The following KIF27 variants were observed in gnomAD, a reference collection of about 807,000 sequenced individuals.
The protein encoded by KIF27 is kinesin-like protein KIF27.
In KIF27, 84 loss-of-function variants were observed where a neutral mutation model predicts 141.8. That is an observed-to-expected ratio of 0.59 (90% CI 0.50 to 0.71). The LOEUF (loss-of-function observed/expected upper bound fraction) is 0.71. Ranked by LOEUF, KIF27 falls within the 30% of genes least tolerant of loss-of-function variation. KIF27 has a pLI of 0.00. For synonymous variants in KIF27, 471 were observed against 569.5 expected (o/e 0.83, Z 2.46); for missense variants, 1,306 against 1,628.4 (o/e 0.80, Z 3.41).
chr9:83,851,570 G>A (rs1012276935), intron 15 of KIF27, among the ~76,000 whole-genome samples: 1 of 152,054 alleles, frequency 6.6e-6, no homozygotes, highest in Non-Finnish European at 1.5e-5. Flanking sequence ...TGCCCAAGCT[G>A]GTCTTGAATT....
intron 5 of KIF27, among the ~76,000 whole-genome samples, chr9:83,892,721 T>C (rs1952799732): frequency 6.6e-6 from 1 of 152,134 alleles, no homozygotes; most frequent in African/African-American, 2.4e-5. Flanking sequence ...GAAAAAGAGA[T>C]ACCATGTAAA....
intron 2 of KIF27, among the ~76,000 whole-genome samples, chr9:83,910,859 C>T (rs1292712088): frequency 2.0e-5 from 3 of 151,986 alleles, no homozygotes; most frequent in Admixed American, 6.6e-5. Context: ...ACTTCTACAT[C>T]GGTGTTCACA....
chr9:83,916,330 C>G (rs997929805), intron 1 of KIF27, among the ~76,000 whole-genome samples: 1 of 152,158 alleles, frequency 6.6e-6, no homozygotes, highest in African/African-American at 2.4e-5. Flanking sequence ...CCGTGCCCAG[C>G]CTGTACATGT....
At chr9:83,898,541 C>T (rs1024291515) in intron 5 of KIF27, among the ~76,000 whole-genome samples, 7 of 152,156 alleles carry the variant, frequency 4.6e-5, no homozygotes, top group African/African-American at 1.4e-4. Flanking sequence ...AATTTTGAGG[C>T]GCTGGCAGTT....
intron 2 of KIF27, among the ~76,000 whole-genome samples, chr9:83,912,680 A>T (rs1217328385): frequency 6.6e-6 from 1 of 152,222 alleles, no homozygotes; most frequent in Non-Finnish European, 1.5e-5. Context: ...TTAGTCTTAT[A>T]TTCCTGAAAT....
rs1303081455 is a variant in KIF27 at position 83,903,081 on chromosome 9, C to T, written c.1437G>A (p.Lys479=). The T allele has an allele frequency of 1.2e-6, 2 of 1,612,512 alleles. No individual in the cohort carries two copies. Among genetic ancestry groups the T allele is most frequent in the Non-Finnish European group, 1.7e-6 (2 of 1,178,828 alleles). The change falls in exon 4 of 18, where the codon AAG becomes AAA. Residue 479 remains lysine, a synonymous_variant. Transcript: ENST00000297814. ...GTACCTGGCATTTCTTAAGCTCTCT[C>T]TTCAGCTGGAGAACTGTAACATGCT... is the stretch of plus-strand genomic sequence containing the variant. The part of the protein sequence containing the change: ...GPQHVTVLQL[K]RELKKCQCVL...
intron 16 of KIF27, chr9:83,847,990 ATATATTT>A (rs1947522622): frequency 6.9e-6 from 1 of 144,164 alleles, no homozygotes; most frequent in African/African-American, 2.5e-5. Flanking sequence ...TATATATCCT[ATATATTT>A]TATATATCTA....
chr9:83,841,874 TTTACTC>T (rs1310716827), intron 17 of KIF27, among the ~76,000 whole-genome samples: 6 of 152,174 alleles, frequency 3.9e-5, no homozygotes, highest in African/African-American at 1.4e-4. Context: ...AATACAAACT[TTTACTC>T]TTACCTACCA....
rs1945779143 is a variant in KIF27, at chr9:83,835,908, A to G, written c.*1093T>C. 6.6e-6 allele frequency among the ~76,000 whole-genome samples: 1 copy of G among 152,222 alleles called. No homozygotes were observed. ...CAAAATAATTCCTCAGGTCATTACA[A>G]TGGATGTTTCCTATAACTGAAAAAT... On this transcript the variant is annotated 3_prime_UTR_variant, in exon 18 of 18. Coordinates refer to ENST00000297814, the MANE Select transcript of KIF27 (RefSeq NM_017576.4).
chr9:83,853,103 T>C (rs956151635), intron 15 of KIF27, among the ~76,000 whole-genome samples: 1 of 152,214 alleles, frequency 6.6e-6, no homozygotes, highest in Non-Finnish European at 1.5e-5. Context: ...GTAAATTGTC[T>C]AATCTGTAAA....
intron 17 of KIF27, among the ~76,000 whole-genome samples, chr9:83,838,295 G>A (rs1392281996): frequency 2.0e-5 from 3 of 151,864 alleles, no homozygotes; most frequent in African/African-American, 4.8e-5. Context: ...GTGCAGTGGC[G>A]TGATCTCGGC....
At chr9:83,908,279 A>AG (rs1027894934) in intron 3 of KIF27, among the ~76,000 whole-genome samples, 173 bp downstream of exon 3, 11 of 151,720 alleles carry the variant, frequency 7.3e-5, no homozygotes, top group East Asian at 5.8e-4. Context: ...AAAAAAAAAA[A>AG]AGAGAGAGAG....
rs1949995097 is a variant in KIF27 at position 83,862,235 on chromosome 9, C to CATGA, written c.2935-2868_2935-2865dup. On this transcript the variant is annotated intron_variant, in intron 13 of 17. Transcript: ENST00000297814. ...TTGCCATTGCTTTTGGTGTTTTAGA[C>CATGA]ATGAAGTCCTTGCCCATGCCTATGT... is the stretch of plus-strand genomic sequence containing the variant. 2.0e-5 allele frequency among the ~76,000 whole-genome samples: 3 copies of CATGA among 152,098 alleles called. No individual in the cohort carries two copies. The South Asian group carries it at 6.2e-4, about 32-fold the overall frequency.
In KIF27 at chr9:83,870,510, T is replaced by G. The variant is rs138585123; in HGVS notation, c.2757+9A>C. 3.1e-6 allele frequency: 5 copies of G among 1,613,502 alleles called. No individual in the cohort carries two copies. The African/African-American group carries it at 6.7e-5, about 22-fold the overall frequency. ...AGAAACCAGGAAACACTAAATAGAA[T>G]TGACAAACCTGGAGATGGTCTATAC... On this transcript the variant is annotated intron_variant, in intron 12 of 17. Coordinates refer to ENST00000297814, the MANE Select transcript of KIF27 (RefSeq NM_017576.4).
chr9:83,908,780 G>A lies in KIF27; in HGVS notation c.299-128C>T, dbSNP rs188233612. On this transcript the variant is annotated intron_variant, in intron 2 of 17. Coordinates refer to ENST00000297814, the MANE Select transcript of KIF27 (RefSeq NM_017576.4). The stretch of plus-strand genomic sequence containing the variant: ...TAACTTTTTTTTTTTTTGGCGGGGG[G>A]ACGGAGTCTTGCTCTGTTGCCCAGG... The A allele has an allele frequency of 1.1e-4, 50 of 467,808 alleles. No homozygotes were observed. The East Asian group carries it at 1.7e-3, about 16-fold the overall frequency. The allele number at this position is 467,808 out of a possible 1,614,324, so 29.0% of individuals were successfully genotyped here. A position where few individuals can be genotyped will look rare whatever the true frequency, so the allele number is the denominator to read the frequency against.
chr9:83,903,921 T>C lies in KIF27; in HGVS notation c.597A>G (p.Gln199=). 4 of 1,614,150 alleles carry C rather than the reference T, an allele frequency of 2.5e-6. No individual in the cohort carries two copies. The highest frequency in any genetic ancestry group is 1.1e-5 in the South Asian group (1 of 91,064). ...GNAARHTGTT[Q]MNEHSSRSHA... Reference sequence around the variant, plus strand: ...GTGATCTGCTGGAGTGCTCATTCATTTGAGTGGTACCTGTATGTCTGGCTG... The same window carrying C: ...GTGATCTGCTGGAGTGCTCATTCATCTGAGTGGTACCTGTATGTCTGGCTG... The change falls in exon 4 of 18, where the codon CAA becomes CAG. Residue 199 remains glutamine (Q), a synonymous_variant. Transcript: ENST00000297814.
At position 83,848,099 on chromosome 9, in the gene KIF27, TATG is replaced by T. The variant is rs1207871773; in HGVS notation, c.3556+1997_3556+1999del. Among the ~76,000 whole-genome samples the T allele has an allele frequency of 1.4e-4, 9 of 63,510 alleles. 3 individuals are homozygous for T. Among genetic ancestry groups the T allele is most frequent in the African/African-American group, 3.0e-4 (3 of 9,982 alleles). 41.7% of individuals were successfully genotyped at this position (63,510 alleles called of 152,430 possible). A position where few individuals can be genotyped will look rare whatever the true frequency, so the allele number is the denominator to read the frequency against. On this transcript the variant is annotated intron_variant, in intron 16 of 17. Coordinates refer to ENST00000297814, the MANE Select transcript of KIF27 (RefSeq NM_017576.4). The stretch of plus-strand genomic sequence containing the variant: ...TATGATATATCATATATATGATATA[TATG>T]ATATCTCATATCTGATATATCTGAT...
chr9:83,862,782 C>G (rs979796795), intron 13 of KIF27, among the ~76,000 whole-genome samples: 3 of 151,958 alleles, frequency 2.0e-5, no homozygotes, highest in Non-Finnish European at 4.4e-5. Context: ...GCCATTTTCA[C>G]GATATTGATT....
intron 11 of KIF27, among the ~76,000 whole-genome samples, chr9:83,876,483 A>G (rs1029647122): frequency 6.6e-6 from 1 of 152,244 alleles, no homozygotes; most frequent in African/African-American, 2.4e-5. Flanking sequence ...CAAGATGTCA[A>G]TACTACTCAG....
Sources: gnomAD v4.1 joint callset for allele counts (sites outside exome capture counted in the v4.1 genomes callset) on GRCh38, gnomAD v4.1.1 for gene constraint, MANE v1.5 for transcripts, NCBI Gene and HGNC (gene_info 2026-07-23, HGNC 2026-07-21) for gene names.